The following FGD5 variants were observed in gnomAD, a reference collection of about 807,000 sequenced individuals.
The protein encoded by FGD5 is FYVE, RhoGEF and PH domain-containing protein 5.
In FGD5, 28 loss-of-function variants were observed where a neutral mutation model predicts 133.4. That is an observed-to-expected ratio of 0.21 (90% confidence interval 0.16 to 0.29). FGD5 has a LOEUF of 0.29. FGD5 is among the 10% of genes least tolerant of loss of function. The pLI is 1.00. For missense variants in FGD5, 1,858 were observed against 1,895.2 expected (o/e 0.98, Z 0.36); for synonymous variants, 810 against 776.5 (o/e 1.04, Z -0.72).
chr3:14,904,590 C>T (rs2038304926), intron 9 of FGD5, among the ~76,000 whole-genome samples: 1 of 151,962 alleles, frequency 6.6e-6, no homozygotes, highest in Non-Finnish European at 1.5e-5. Flanking sequence ...TGTGTATTTC[C>T]TGCCCCAGTC....
chr3:14,852,111 GA>G (rs1347451084), intron 1 of FGD5, among the ~76,000 whole-genome samples: 4 of 152,158 alleles, frequency 2.6e-5, no homozygotes, highest in Non-Finnish European at 4.4e-5. Flanking sequence ...ATACCCAAGA[GA>G]AAGGAAAATA....
At chr3:14,915,631 G>A (rs1479038746) in intron 11 of FGD5, among the ~76,000 whole-genome samples, 5 of 152,078 alleles carry the variant, frequency 3.3e-5, no homozygotes, top group Non-Finnish European at 7.4e-5. Context: ...GGCGCCATAT[G>A]TCCGGGGCTC....
intron 2 of FGD5, among the ~76,000 whole-genome samples, chr3:14,871,728 G>T (rs1483522354): frequency 6.6e-6 from 1 of 152,214 alleles, no homozygotes; most frequent in African/African-American, 2.4e-5. Flanking sequence ...GGGCCAAAGG[G>T]CTGGGCAGGT....
chr3:14,910,993 A>G (rs2038437921), intron 11 of FGD5, 64 bp downstream of exon 11: 1 of 1,496,062 alleles, frequency 6.7e-7, no homozygotes, highest in Non-Finnish European at 9.2e-7. Flanking sequence ...TTCTAGGGCC[A>G]TTATTCAAGG....
intron 1 of FGD5, among the ~76,000 whole-genome samples, chr3:14,846,704 C>T (rs2037058099): frequency 1.3e-5 from 2 of 152,238 alleles, no homozygotes; most frequent in Admixed American, 6.5e-5. Flanking sequence ...ACTTCCCAAC[C>T]GTGGGACCAG....
At chr3:14,817,606 AT>A (rs2036392130), upstream of FGD5, among the ~76,000 whole-genome samples, 1 of 152,174 alleles carries the variant, frequency 6.6e-6, no homozygotes, top group Non-Finnish European at 1.5e-5. Context: ...GTAATGTTAG[AT>A]GTTTCAGGGA....
At position 14,917,181 on chromosome 3, in the gene FGD5, T is replaced by C. The variant is rs1421883848; in HGVS notation, c.3406-68T>C. 6.9e-7 allele frequency: 1 copy of C among 1,441,466 alleles called. No homozygotes were observed. The highest frequency in any genetic ancestry group is 1.4e-5 in the African/African-American group (1 of 71,062). 89.3% of individuals were successfully genotyped at this position (1,441,466 alleles called of 1,614,324 possible). ...TGTGCACAGCGGAGCTCAGGGATCC[T>C]TTGAGGACAGAAGCCTGGCGCAGCC... On this transcript the variant is annotated intron_variant, in intron 11 of 19. Coordinates refer to ENST00000285046, the MANE Select transcript of FGD5 (RefSeq NM_152536.4). This position sits in a 1 kb window ranked among gnomAD's most constrained non-coding sequence, Gnocchi z 4.1.
chr3:14,839,546 A>G (rs2036878247), intron 1 of FGD5, among the ~76,000 whole-genome samples: 1 of 152,234 alleles, frequency 6.6e-6, no homozygotes, highest in Non-Finnish European at 1.5e-5. Context: ...GGTCTCAACA[A>G]TGCGGAGCTC....
Position 14,819,012 on chromosome 3 carries a change from G to C in FGD5, c.-60G>C. 1 of 1,482,984 alleles carries C rather than the reference G, an allele frequency of 6.7e-7. No homozygotes were observed. The highest frequency in any genetic ancestry group is 9.0e-7 in the Non-Finnish European group (1 of 1,115,114). 91.9% of individuals were successfully genotyped at this position (1,482,984 alleles called of 1,614,324 possible). A position where few individuals can be genotyped will look rare whatever the true frequency, so the allele number is the denominator to read the frequency against. On this transcript the variant is annotated 5_prime_UTR_variant, in exon 1 of 20. Coordinates refer to ENST00000285046, the MANE Select transcript of FGD5 (RefSeq NM_152536.4). This position sits in a 1 kb window ranked among gnomAD's most constrained non-coding sequence, Gnocchi z 4.1. ...AAAGACTACCAGTCCACTGACGCCA[G>C]TGACCGCGCCCAAATTCCCTTCCTC...
At chr3:14,885,619 C>G (rs1156548387) in intron 4 of FGD5, among the ~76,000 whole-genome samples, 2 of 152,230 alleles carry the variant, frequency 1.3e-5, no homozygotes, top group Non-Finnish European at 2.9e-5. Context: ...GAACACTTAT[C>G]TGTGGCCACT....
chr3:14,860,240 G>A (rs185708491), intron 1 of FGD5, among the ~76,000 whole-genome samples: 2 of 152,334 alleles, frequency 1.3e-5, no homozygotes, highest in East Asian at 1.9e-4. Flanking sequence ...GTCGTGGACC[G>A]TGGCCCAATG....
chr3:14,925,986 T>C, intron 17 of FGD5, 84 bp from the exon 18 acceptor site: 1 of 1,560,664 alleles, frequency 6.4e-7, no homozygotes, highest in South Asian at 1.2e-5. Context: ...GCCAAATGGT[T>C]TGCAGTGTCA....
At chr3:14,924,665 A>G (rs2038759179) in intron 17 of FGD5, among the ~76,000 whole-genome samples, 1 of 152,238 alleles carries the variant, frequency 6.6e-6, no homozygotes, top group African/African-American at 2.4e-5. Context: ...GGAGTCCACA[A>G]GTGTGATCAG....
rs778800477 is a variant in FGD5, at chr3:14,923,129, C to T, written c.3891C>T (p.Phe1297=). 42 of 1,613,650 alleles carry T rather than the reference C, an allele frequency of 2.6e-5. No individual in the cohort carries two copies. Among genetic ancestry groups the T allele is most frequent in the South Asian group, 1.2e-4 (11 of 91,068 alleles). Residue 1297 remains phenylalanine, a synonymous_variant, in exon 16 of 20, where the codon TTC becomes TTT. Coordinates refer to ENST00000285046, the MANE Select transcript of FGD5 (RefSeq NM_152536.4). ...TGGCCAAGGTCTGCGACGGCTGCTT[C>T]GGGGAGCTGAAGAAGCGGGGCAGGG... is the stretch of plus-strand genomic sequence containing the variant. ...DRMAKVCDGC[F]GELKKRGRAV...
chr3:14,879,744 C>G (rs1318848856), intron 2 of FGD5, among the ~76,000 whole-genome samples: 1 of 152,126 alleles, frequency 6.6e-6, no homozygotes, highest in African/African-American at 2.4e-5. Context: ...ATACCTAGCC[C>G]AGCCCGTTGA....
upstream of FGD5, among the ~76,000 whole-genome samples, chr3:14,816,136 A>G (rs1445138092): frequency 1.3e-5 from 2 of 152,210 alleles, no homozygotes; most frequent in Non-Finnish European, 2.9e-5. Context: ...CTTCAGATCA[A>G]TAGCTTGATT....
intron 17 of FGD5, among the ~76,000 whole-genome samples, chr3:14,925,112 A>C (rs947990446): frequency 6.6e-6 from 1 of 150,870 alleles, no homozygotes; most frequent in Admixed American, 6.6e-5. Context: ...AAAAAAAAAA[A>C]AAAAAAAAAA....
At chr3:14,818,474 C>T (rs2036414652), upstream of FGD5, among the ~76,000 whole-genome samples, 1 of 152,144 alleles carries the variant, frequency 6.6e-6, no homozygotes, top group Non-Finnish European at 1.5e-5. Context: ...TCTTCTTGAC[C>T]CTAGGAGACC....
chr3:14,923,979 C>G (rs1238277729), intron 16 of FGD5, 29 bp from the exon 17 acceptor site: 1 of 1,613,484 alleles, frequency 6.2e-7, no homozygotes, highest in African/African-American at 1.3e-5. Flanking sequence ...CCTCTCACCT[C>G]CCTTCCATGT....
Sources: gnomAD v4.1 joint callset for allele counts (sites outside exome capture counted in the v4.1 genomes callset) on GRCh38, gnomAD v4.1.1 for gene constraint, Gnocchi (gnomAD v3.1) non-coding constraint, MANE v1.5 for transcripts, NCBI Gene and HGNC (gene_info 2026-07-23, HGNC 2026-07-21) for gene names.